The following TEX9 variants were observed in gnomAD, a reference collection of about 807,000 sequenced individuals.
TEX9 encodes testis-expressed protein 9.
Under a neutral mutation model 59.6 loss-of-function variants are expected in TEX9, and 74 were observed. That is an observed-to-expected ratio of 1.24 (90% CI 1.03 to 1.51). The LOEUF (loss-of-function observed/expected upper bound fraction) is 1.51, where lower values mean the gene tolerates loss of function less well. Among genes scored for constraint, TEX9 ranks in the 40% most tolerant of loss-of-function variants. TEX9 has a pLI of 0.00. For synonymous variants in TEX9, 186 were observed against 152.2 expected (o/e 1.22, Z -1.64); for missense variants, 522 against 447.8 (o/e 1.17, Z -1.49).
intron 1 of TEX9, among the ~76,000 whole-genome samples, chr15:56,325,682 T>G (rs1223798701): frequency 6.6e-6 from 1 of 152,232 alleles, no homozygotes; most frequent in Non-Finnish European, 1.5e-5. Flanking sequence ...ATTTTTCTAT[T>G]TGTCCAAACT....
At chr15:56,408,039 C>T (rs1247718051) in intron 9 of TEX9, among the ~76,000 whole-genome samples, 1 of 152,190 alleles carries the variant, frequency 6.6e-6, no homozygotes, top group South Asian at 2.1e-4. Context: ...AGTGTACAGA[C>T]ATTTCATAGA....
chr15:56,426,626 T>TACACACACAC (rs1186314291), intron 10 of TEX9, among the ~76,000 whole-genome samples: 9 of 47,194 alleles, frequency 1.9e-4, no homozygotes, highest in Admixed American at 6.8e-4. Flanking sequence ...TATATATATA[T>TACACACACAC]ACACACACAC....
chr15:56,249,169 G>A (rs1429777490), intron 1 of TEX9: 2 of 152,080 alleles, frequency 1.3e-5, no homozygotes. Context: ...TATTTATTTG[G>A]GTTTTATGCT....
chr15:56,455,223 A>C, the TEX9 span, among the ~76,000 whole-genome samples: 1 of 145,014 alleles, frequency 6.9e-6, no homozygotes. Context: ...GGAATTAGAG[A>C]TAAGAAATAG....
At chr15:56,301,969 C>T (rs945459190) in intron 1 of TEX9, among the ~76,000 whole-genome samples, 76 of 152,008 alleles carry the variant, frequency 5.0e-4, no homozygotes, top group African/African-American at 1.5e-3. Context: ...CCAATCAAAA[C>T]GAATAATTAC....
chr15:56,433,908 C>G (rs1175690071), intron 12 of TEX9, among the ~76,000 whole-genome samples: 1 of 151,944 alleles, frequency 6.6e-6, no homozygotes, highest in South Asian at 2.1e-4. Flanking sequence ...GTGACATGGA[C>G]TTAGTTTTAT....
At chr15:56,358,498 G>A (rs2046730038) in intron 1 of TEX9, among the ~76,000 whole-genome samples, 2 of 151,868 alleles carry the variant, frequency 1.3e-5, no homozygotes, top group South Asian at 2.1e-4. Context: ...TGAGAATATC[G>A]TAGAGAGAGT....
intron 1 of TEX9, among the ~76,000 whole-genome samples, chr15:56,283,626 A>G (rs1473319403): frequency 1.3e-5 from 2 of 152,210 alleles, no homozygotes; most frequent in East Asian, 1.9e-4. Context: ...TTTGAGTTAA[A>G]TATCTAAAAA....
chr15:56,369,703 G>C (rs1232095583), intron 2 of TEX9, among the ~76,000 whole-genome samples: 1 of 152,156 alleles, frequency 6.6e-6, no homozygotes, highest in Non-Finnish European at 1.5e-5. Context: ...TTGTGGCCAA[G>C]TGCTTGTTCA....
chr15:56,288,752 C>G (rs2045012552), intron 1 of TEX9, among the ~76,000 whole-genome samples: 1 of 152,154 alleles, frequency 6.6e-6, no homozygotes, highest in South Asian at 2.1e-4. Flanking sequence ...AGGCTTTTAA[C>G]TTTTCCATAC....
chr15:56,298,457 G>T (rs1482141476), intron 1 of TEX9, among the ~76,000 whole-genome samples: 1 of 152,142 alleles, frequency 6.6e-6, no homozygotes, highest in African/African-American at 2.4e-5. Flanking sequence ...AGGAAGTATA[G>T]ACTTGTAGTT....
chr15:56,446,839 A>C (rs1391287478), downstream of TEX9: 2 of 1,591,130 alleles, frequency 1.3e-6, no homozygotes, highest in Non-Finnish European at 1.7e-6. Flanking sequence ...AAACATGATT[A>C]CCATTTGTTC....
At chr15:56,403,300 A>T (rs2048894671) in intron 9 of TEX9, among the ~76,000 whole-genome samples, 1 of 152,246 alleles carries the variant, frequency 6.6e-6, no homozygotes, top group Non-Finnish European at 1.5e-5. Flanking sequence ...CAGGATACAA[A>T]ATCAATGTGC....
intron 1 of TEX9, among the ~76,000 whole-genome samples, chr15:56,319,557 A>T (rs1177116781): frequency 6.6e-6 from 1 of 152,130 alleles, no homozygotes; most frequent in Non-Finnish European, 1.5e-5. Context: ...GCTGTTCCTC[A>T]GATTTGCATG....
intron 1 of TEX9, among the ~76,000 whole-genome samples, chr15:56,285,593 T>C (rs1255638635): frequency 2.0e-5 from 3 of 152,212 alleles, no homozygotes; most frequent in Non-Finnish European, 4.4e-5. Context: ...GCTTTTTTCT[T>C]TGGATTTCAG....
At chr15:56,387,778 T>C (rs1382245503) in intron 4 of TEX9, among the ~76,000 whole-genome samples, 1 of 151,996 alleles carries the variant, frequency 6.6e-6, no homozygotes, top group African/African-American at 2.4e-5. Context: ...TGCTTAACTT[T>C]AAGGTTGTAG....
At chr15:56,436,590 A>G (rs907386470) in intron 12 of TEX9, among the ~76,000 whole-genome samples, 5 of 152,178 alleles carry the variant, frequency 3.3e-5, no homozygotes, top group South Asian at 2.1e-4. Flanking sequence ...AGCAGAAGGC[A>G]AGAAATAACT....
chr15:56,444,405 T>C, intron 12 of TEX9: 1 of 1,525,708 alleles, frequency 6.6e-7, no homozygotes, highest in Non-Finnish European at 8.9e-7. Flanking sequence ...ATATCTAAAG[T>C]AAACATTTAG....
intron 12 of TEX9, chr15:56,429,528 C>T (rs1265863266): frequency 5.8e-6 from 1 of 173,034 alleles, no homozygotes; most frequent in African/African-American, 2.4e-5. Flanking sequence ...CTTTAAATAG[C>T]TCTATAATAT....
Sources: allele counts gnomAD v4.1 joint callset (sites outside exome capture counted in the v4.1 genomes callset), GRCh38; gene constraint gnomAD v4.1.1; transcripts MANE v1.5; gene names NCBI Gene and HGNC (gene_info 2026-07-23, HGNC 2026-07-21).